The following ZNF704 variants were observed in gnomAD, a reference collection of about 807,000 sequenced individuals.
ZNF704 encodes zinc finger protein 704.
In ZNF704, 10 loss-of-function variants were observed where a neutral mutation model predicts 44.7. The observed-to-expected ratio is 0.22, with a 90% CI of 0.14 to 0.38. The LOEUF (loss-of-function observed/expected upper bound fraction) is 0.38. Ranked by LOEUF, ZNF704 falls within the 10% of genes least tolerant of loss-of-function variation. The pLI, the probability that ZNF704 is intolerant of heterozygous loss-of-function variation, is 1.00. For missense variants in ZNF704, 390 were observed against 545.5 expected, an observed-to-expected ratio of 0.71 and a Z score of 2.84; for synonymous variants, 211 against 207.6, an observed-to-expected ratio of 1.02 and a Z score of -0.14.
At chr8:80,796,515 C>T (rs1327257971) in intron 2 of ZNF704, among the ~76,000 whole-genome samples, 1 of 152,184 alleles carries the variant, frequency 6.6e-6, no homozygotes. Context: ...AGAATTCTGC[C>T]CATGCCCTCC....
At chr8:80,757,699 A>G (rs907427214) in intron 2 of ZNF704, among the ~76,000 whole-genome samples, 4 of 152,154 alleles carry the variant, frequency 2.6e-5, no homozygotes, top group African/African-American at 9.7e-5. Flanking sequence ...ACACAGGTAT[A>G]CCATTTTTAA....
intron 1 of ZNF704, among the ~76,000 whole-genome samples, chr8:80,849,933 C>T (rs772519408): frequency 1.1e-4 from 17 of 152,162 alleles, no homozygotes; most frequent in Non-Finnish European, 2.4e-4. Flanking sequence ...AAAATATTTG[C>T]TTTTACTGCA....
At chr8:80,845,725 C>A (rs1808757738) in intron 1 of ZNF704, among the ~76,000 whole-genome samples, 2 of 152,158 alleles carry the variant, frequency 1.3e-5, no homozygotes, top group East Asian at 3.8e-4. Flanking sequence ...CACAAAATAT[C>A]TGCAAAATTA....
At chr8:80,644,127 C>A (rs951280159) in intron 7 of ZNF704, among the ~76,000 whole-genome samples, 2 of 152,194 alleles carry the variant, frequency 1.3e-5, no homozygotes, top group Admixed American at 6.5e-5. Flanking sequence ...AACGACCCCA[C>A]GCAGTATTAC....
At chr8:80,693,524 C>T (rs7823175) in intron 2 of ZNF704, among the ~76,000 whole-genome samples, 10,320 of 152,184 alleles carry the variant, frequency 0.068, 392 homozygotes, top group Middle Eastern at 0.095. Flanking sequence ...GGCTATGAAG[C>T]GCATAAACAG....
chr8:80,830,130 T>C lies in ZNF704; in HGVS notation c.-21-8515A>G, dbSNP rs1484702666. On this transcript the variant is annotated intron_variant, in intron 1 of 8. Transcript: ENST00000327835. ...AGGAGAGGAGAGAGTAGAAAGCATA[T>C]ATAACGTCGAGTCTTAAGAAGCTGG... Among the ~76,000 whole-genome samples the C allele has an allele frequency of 3.3e-5, 5 of 152,162 alleles. No homozygotes were observed. In the East Asian group the frequency reaches 7.7e-4, roughly 23 times the overall value.
intron 1 of ZNF704, among the ~76,000 whole-genome samples, chr8:80,826,478 C>A (rs998517701): frequency 6.6e-6 from 1 of 152,018 alleles, no homozygotes; most frequent in Non-Finnish European, 1.5e-5. Flanking sequence ...GATTCACAGG[C>A]GAATTCTACC....
intron 1 of ZNF704, among the ~76,000 whole-genome samples, chr8:80,865,646 G>C (rs920896854): frequency 2.0e-5 from 3 of 152,202 alleles, no homozygotes; most frequent in Non-Finnish European, 4.4e-5. Flanking sequence ...CAATTAGTCT[G>C]AATCGAGGAG....
At chr8:80,648,328 C>A (rs549774348) in intron 7 of ZNF704, among the ~76,000 whole-genome samples, 5 of 152,158 alleles carry the variant, frequency 3.3e-5, no homozygotes, top group Non-Finnish European at 7.3e-5. Context: ...ACATGCATTT[C>A]GAGGACCCAC....
intron 7 of ZNF704, chr8:80,644,792 C>T: frequency 1.6e-6 from 1 of 606,746 alleles, no homozygotes; most frequent in East Asian, 2.8e-5. Context: ...AAGCAGTTAC[C>T]AGCACATTCA....
At chr8:80,659,150 G>GA (rs1211729398) in intron 7 of ZNF704, among the ~76,000 whole-genome samples, 2 of 152,062 alleles carry the variant, frequency 1.3e-5, no homozygotes, top group Non-Finnish European at 2.9e-5. Context: ...GACTCTGAAA[G>GA]AAAAAATGAT....
intron 2 of ZNF704, among the ~76,000 whole-genome samples, chr8:80,712,410 A>AT (rs1223651195): frequency 2.0e-5 from 3 of 152,088 alleles, no homozygotes; most frequent in South Asian, 2.1e-4. Context: ...CTTATAGACT[A>AT]TTTTTTTTAA....
At chr8:80,756,613 T>C (rs1419556339) in intron 2 of ZNF704, among the ~76,000 whole-genome samples, 2 of 152,192 alleles carry the variant, frequency 1.3e-5, no homozygotes, top group Non-Finnish European at 2.9e-5. Flanking sequence ...ACTCACTTGG[T>C]TTAACAACCT....
intron 1 of ZNF704, among the ~76,000 whole-genome samples, chr8:80,829,295 C>A (rs1458970252): frequency 6.6e-6 from 1 of 152,108 alleles, no homozygotes; most frequent in East Asian, 1.9e-4. Flanking sequence ...ACTCTCTCTG[C>A]CTGGAGGTGG....
Position 80,664,946 on chromosome 8 carries a change from G to A in ZNF704, c.796C>T (p.Pro266Ser). The A allele has an allele frequency of 3.1e-6, 5 of 1,614,206 alleles. No homozygotes were observed. The highest frequency in any genetic ancestry group is 4.2e-6 in the Non-Finnish European group (5 of 1,180,028). Residue 266 changes from proline to serine, a missense_variant, in exon 6 of 9, where the codon CCT becomes TCT. Pro to Ser is a moderately conservative substitution (Grantham distance 74). Transcript: ENST00000327835. ...CTTGAATCTGGGATGGGGAAAGTAG[G>A]AGGTGAAGCCAGGGACTGGGAAGGT... Reference protein sequence around the residue: ...VSPSQSLASPPTFPIPDSSRT... With the variant: ...VSPSQSLASPSTFPIPDSSRT...
At chr8:80,646,264 G>C (rs548975789) in intron 7 of ZNF704, among the ~76,000 whole-genome samples, 39 of 152,286 alleles carry the variant, frequency 2.6e-4, no homozygotes, top group African/African-American at 9.1e-4. Context: ...TGGATCACTT[G>C]AGTCCAGGAG....
intron 2 of ZNF704, among the ~76,000 whole-genome samples, chr8:80,792,692 TG>T (rs772701623): frequency 8.5e-5 from 13 of 152,166 alleles, no homozygotes; most frequent in Non-Finnish European, 1.8e-4. Context: ...TGAAGCAAGC[TG>T]GTATATGGGG....
intron 6 of ZNF704, among the ~76,000 whole-genome samples, chr8:80,664,505 A>G (rs1427114432): frequency 6.6e-6 from 1 of 152,050 alleles, no homozygotes; most frequent in Non-Finnish European, 1.5e-5. Flanking sequence ...TCCCGACCTC[A>G]GGTGATCCGC....
chr8:80,816,580 C>G (rs964586447), intron 2 of ZNF704, among the ~76,000 whole-genome samples: 17 of 152,172 alleles, frequency 1.1e-4, no homozygotes, highest in Admixed American at 3.9e-4. Flanking sequence ...TCATCTCTCT[C>G]AGAGAGAGAT....
Sources: allele counts gnomAD v4.1 joint callset (sites outside exome capture counted in the v4.1 genomes callset), GRCh38; gene constraint gnomAD v4.1.1; transcripts MANE v1.5; gene names NCBI Gene and HGNC (gene_info 2026-07-23, HGNC 2026-07-21).